Variants in GSKIP observed in about 807,000 individuals in gnomAD.
The protein encoded by GSKIP is GSK3B interacting protein.
A neutral mutation model predicts 11.9 loss-of-function variants in GSKIP; 5 were observed. The ratio of observed to expected loss-of-function variants is 0.42; its 90% confidence interval spans 0.22 to 0.89. The LOEUF (loss-of-function observed/expected upper bound fraction) is 0.89. Ranked by LOEUF, GSKIP falls within the 40% of genes least tolerant of loss-of-function variation. The pLI is 0.29. For missense variants in GSKIP, 150 were observed against 166.6 expected (o/e 0.90, Z 0.55); for synonymous variants, 70 against 62.9 (o/e 1.11, Z -0.54).
chr14:96,364,345 C>CTTTGCCGAGTG (rs2139922548), intron 1 of GSKIP: 1 of 152,328 alleles, frequency 6.6e-6, no homozygotes, highest in East Asian at 1.9e-4. Context: ...ACGTTGCCTC[C>CTTTGCCGAGTG]TTTGCCGAGT....
At position 96,371,293 on chromosome 14, in the gene GSKIP, ACTTCT is replaced by A. The variant is rs1221099517; in HGVS notation, c.-103+7728_-103+7732del. ...TTTTAAGTGTCTGAATAATAACCTG[ACTTCT>A]CTAAGAAAAAGATTTCTGCTTCCTA... is the stretch of plus-strand genomic sequence containing the variant. On this transcript the variant is annotated intron_variant, in intron 1 of 3. Coordinates refer to ENST00000555181, the MANE Select transcript of GSKIP (RefSeq NM_016472.5). 3.9e-5 allele frequency among the ~76,000 whole-genome samples: 6 copies of A among 152,316 alleles called. No individual in the cohort carries two copies. In the East Asian group the frequency reaches 1.2e-3, roughly 29 times the overall value.
At chr14:96,366,955 C>T (rs1888903094) in intron 1 of GSKIP, among the ~76,000 whole-genome samples, 4 of 152,098 alleles carry the variant, frequency 2.6e-5, no homozygotes, top group Admixed American at 2.6e-4. Flanking sequence ...CCTGAGGTAA[C>T]AGGACGACGC....
At chr14:96,366,657 C>T (rs1376372182) in intron 1 of GSKIP, among the ~76,000 whole-genome samples, 1 of 152,194 alleles carries the variant, frequency 6.6e-6, no homozygotes, top group Non-Finnish European at 1.5e-5. Flanking sequence ...CTTTGGAAGG[C>T]CAAGGCCGGA....
intron 1 of GSKIP, among the ~76,000 whole-genome samples, chr14:96,374,299 T>C (rs1889138087): frequency 6.6e-6 from 1 of 152,184 alleles, no homozygotes; most frequent in African/African-American, 2.4e-5. Context: ...CTTGGACTAA[T>C]ATACATAAAA....
chr14:96,372,314 ATCACAGGC>A (rs1278824119), intron 1 of GSKIP, among the ~76,000 whole-genome samples: 13 of 152,200 alleles, frequency 8.5e-5, no homozygotes, highest in African/African-American at 2.9e-4. Flanking sequence ...TGATGTGTAT[ATCACAGGC>A]TCCCATCTTC....
At position 96,365,964 on chromosome 14, in the gene GSKIP, G is replaced by A. The variant is rs373197287; in HGVS notation, c.-103+2396G>A. Among the ~76,000 whole-genome samples, 4 of 152,168 alleles carry A rather than the reference G, an allele frequency of 2.6e-5. No homozygotes were observed. In the East Asian group the frequency reaches 5.8e-4, roughly 22 times the overall value. On this transcript the variant is annotated intron_variant, in intron 1 of 3. Coordinates refer to ENST00000555181, the MANE Select transcript of GSKIP (RefSeq NM_016472.5). ...AGAATAGTCTGGTGTGGAAGTGGGAGGGCCAGAGTGAAAACAGCAGAACCA... is the reference window on the plus strand; with the variant it reads ...AGAATAGTCTGGTGTGGAAGTGGGAAGGCCAGAGTGAAAACAGCAGAACCA...
chr14:96,382,186 G>A (rs184384009), intron 2 of GSKIP, 61 bp from the exon 3 acceptor site: 3 of 1,164,328 alleles, frequency 2.6e-6, no homozygotes, highest in East Asian at 4.9e-5. Flanking sequence ...TTAATCAAAT[G>A]TAGTAGTTTG....
Position 96,382,446 on chromosome 14 carries a change from A to C in GSKIP, c.199A>C (p.Asn67His). The change falls in exon 3 of 4, where the codon AAT becomes CAT. Residue 67 changes from asparagine to histidine, a missense_variant. Asn to His is a moderately conservative substitution (Grantham distance 68, BLOSUM62 1). Coordinates refer to ENST00000555181, the MANE Select transcript of GSKIP (RefSeq NM_016472.5). ...GTGTGCGGATGATGTGGCCTATATC[A>C]ATGTGGAAACAAAGGAAAGAAACAG... ...LRCADDVAYI[N>H]VETKERNRYC... 2 of 1,613,114 alleles carry C rather than the reference A, an allele frequency of 1.2e-6. No homozygotes were observed. Among genetic ancestry groups the C allele is most frequent in the Non-Finnish European group, 1.7e-6 (2 of 1,179,094 alleles).
At chr14:96,371,081 A>G (rs1242078589) in intron 1 of GSKIP, among the ~76,000 whole-genome samples, 2 of 152,250 alleles carry the variant, frequency 1.3e-5, no homozygotes, top group East Asian at 1.9e-4. Context: ...TCTGTAAGCT[A>G]TTGAAAACAG....
chr14:96,376,930 A>G (rs1889218719), intron 1 of GSKIP, among the ~76,000 whole-genome samples: 1 of 109,074 alleles, frequency 9.2e-6, no homozygotes, highest in African/African-American at 2.7e-5. Context: ...ATTTGAAACA[A>G]TGATGATTGA....
intron 2 of GSKIP, among the ~76,000 whole-genome samples, chr14:96,381,874 T>C (rs1412696812): frequency 6.6e-6 from 1 of 152,206 alleles, no homozygotes; most frequent in African/African-American, 2.4e-5. Context: ...GTCCTTTGAC[T>C]CAGCAATTTC....
intron 1 of GSKIP, among the ~76,000 whole-genome samples, chr14:96,368,925 G>T (rs1220680429): frequency 6.6e-6 from 1 of 152,220 alleles, no homozygotes; most frequent in East Asian, 1.9e-4. Flanking sequence ...GGTTGAAAGA[G>T]CTTGAAGGGC....
chr14:96,385,799 G>T lies in GSKIP; in HGVS notation c.*115G>T. 1.3e-6 allele frequency: 1 copy of T among 756,082 alleles called. No individual in the cohort carries two copies. Among genetic ancestry groups the T allele is most frequent in the Admixed American group, 2.9e-5 (1 of 34,572 alleles). 46.8% of individuals were successfully genotyped at this position (756,082 alleles called of 1,614,324 possible). A position where few individuals can be genotyped will look rare whatever the true frequency, so the allele number is the denominator to read the frequency against. On this transcript the variant is annotated 3_prime_UTR_variant, in exon 4 of 4. Coordinates refer to ENST00000555181, the MANE Select transcript of GSKIP (RefSeq NM_016472.5). The stretch of plus-strand genomic sequence containing the variant: ...CTTTGGTTTTGTGTTTTTATCACTT[G>T]CTTCCAACTTAGGCTTTTGGCTCAG...
intron 1 of GSKIP, among the ~76,000 whole-genome samples, chr14:96,372,557 A>G (rs889630722): frequency 6.6e-6 from 1 of 152,270 alleles, no homozygotes; most frequent in African/African-American, 2.4e-5. Context: ...CTCATAAAAC[A>G]TATGGTGAGC....
intron 1 of GSKIP, among the ~76,000 whole-genome samples, chr14:96,369,115 C>T (rs1888976947): frequency 6.6e-6 from 1 of 152,188 alleles, no homozygotes; most frequent in Non-Finnish European, 1.5e-5. Flanking sequence ...TAGCGAAGAA[C>T]TTGGCTGCAT....
chr14:96,374,749 T>TG (rs1403657017), intron 1 of GSKIP, among the ~76,000 whole-genome samples: 5 of 152,020 alleles, frequency 3.3e-5, no homozygotes, highest in Non-Finnish European at 5.9e-5. Flanking sequence ...CAAATGAAGA[T>TG]GAAAAGGAGA....
chr14:96,386,233 T>G lies in GSKIP; in HGVS notation c.*549T>G, dbSNP rs1889486862. 6.6e-6 allele frequency: 1 copy of G among 152,388 alleles called. No homozygotes were observed. Among genetic ancestry groups the G allele is most frequent in the Non-Finnish European group, 1.5e-5 (1 of 68,046 alleles). The allele number at this position is 152,388 out of a possible 1,614,324, so 9.4% of individuals were successfully genotyped here. On this transcript the variant is annotated 3_prime_UTR_variant, in exon 4 of 4. Transcript: ENST00000555181. Reference sequence around the variant, plus strand: ...ATTACTAATAATGGATTAATAAAGATGAATTAATTATATATTACTTAACTA... The same window carrying G: ...ATTACTAATAATGGATTAATAAAGAGGAATTAATTATATATTACTTAACTA...
Position 96,382,313 on chromosome 14 carries a change from G to C in GSKIP, c.66G>C (p.Leu22=), listed in dbSNP as rs1595352056. 7 of 1,613,232 alleles carry C rather than the reference G, an allele frequency of 4.3e-6. No individual in the cohort carries two copies. Among genetic ancestry groups the C allele is most frequent in the Non-Finnish European group, 5.9e-6 (7 of 1,179,506 alleles). The change falls in exon 3 of 4, where the codon CTG becomes CTC. Residue 22 remains leucine (L), a synonymous_variant. Transcript: ENST00000555181. The part of the protein sequence containing the change: ...SMSGFEEGSE[L]NGFEGTDMKD... ...CAGGATTTGAAGAAGGTTCAGAGCT[G>C]AACGGTTTTGAAGGAACTGACATGA...
chr14:96,378,080 G>T (rs986782222), intron 1 of GSKIP, among the ~76,000 whole-genome samples: 12 of 152,156 alleles, frequency 7.9e-5, no homozygotes, highest in Admixed American at 7.2e-4. Context: ...TTATGGCCAA[G>T]CGCAGTGGCT....
Sources: allele counts gnomAD v4.1 joint callset (sites outside exome capture counted in the v4.1 genomes callset), GRCh38; gene constraint gnomAD v4.1.1; transcripts MANE v1.5; gene names NCBI Gene and HGNC (gene_info 2026-07-23, HGNC 2026-07-21).